The following MADD variants were observed in gnomAD, a reference collection of about 807,000 sequenced individuals.
The protein encoded by MADD is MAP kinase-activating death domain protein.
In MADD, 109 loss-of-function variants were observed where a neutral mutation model predicts 176.7. The observed-to-expected ratio is 0.62, with a 90% CI of 0.53 to 0.72. The LOEUF (loss-of-function observed/expected upper bound fraction) is 0.72. Ranked by LOEUF, MADD falls within the 30% of genes least tolerant of loss-of-function variation. The pLI is 0.00. For missense variants in MADD, 1,914 were observed against 2,045.5 expected (o/e 0.94, Z 1.24); for synonymous variants, 771 against 771.3 (o/e 1.00, Z 0.01).
chr11:47,288,199 A>C (rs537782549), intron 15 of MADD, among the ~76,000 whole-genome samples: 14 of 152,158 alleles, frequency 9.2e-5, no homozygotes, highest in Non-Finnish European at 2.1e-4. Context: ...CAGAGGCAGG[A>C]GGTTCATTTG....
chr11:47,295,130 C>T lies in MADD; in HGVS notation c.3403-366C>T, dbSNP rs111621734. On this transcript the variant is annotated intron_variant, in intron 20 of 32. Coordinates refer to ENST00000402192, the Ensembl canonical transcript of MADD. ...GGCTCAAGTGATGCTCCCACCTCAG[C>T]GTCCTGAGCATCTGGGACCGCAGGC... 6.3e-3 allele frequency among the ~76,000 whole-genome samples: 954 copies of T among 151,988 alleles called. 13 individuals carry two copies. The highest frequency in any genetic ancestry group is 0.021 in the African/African-American group (878 of 41,428).
intron 27 of MADD, among the ~76,000 whole-genome samples, chr11:47,316,778 C>T (rs1419464886): frequency 6.6e-6 from 1 of 151,910 alleles, no homozygotes; most frequent in African/African-American, 2.4e-5. Flanking sequence ...GAGTGTTGCT[C>T]TTTTGCTCAG....
intron 22 of MADD, among the ~76,000 whole-genome samples, chr11:47,303,025 C>G (rs184025186): frequency 6.6e-6 from 1 of 151,866 alleles, no homozygotes; most frequent in Non-Finnish European, 1.5e-5. Context: ...GTGATGACTT[C>G]CTCATTTTTT....
At chr11:47,274,675 G>C in exon 3 of MADD, 1 of 1,614,168 alleles carries the variant, frequency 6.2e-7, no homozygotes, top group Non-Finnish European at 8.5e-7. Context: ...CTGCCAGCCC[G>C]AGGGCTGCCT....
At chr11:47,319,723 A>G (rs1439831776) in intron 27 of MADD, among the ~76,000 whole-genome samples, 1 of 152,212 alleles carries the variant, frequency 6.6e-6, no homozygotes, top group Non-Finnish European at 1.5e-5. Context: ...ATGGTGGCTC[A>G]CATGAGCCTG....
chr11:47,326,888 G>A (rs2095506763), intron 31 of MADD, 81 bp downstream of exon 35: 2 of 1,582,538 alleles, frequency 1.3e-6, no homozygotes, highest in African/African-American at 1.4e-5. Flanking sequence ...GGGTCTAGGG[G>A]CAGGGAGAAG....
chr11:47,289,816 G>C (rs10838686), intron 16 of MADD, 51 bp from the exon 18 acceptor site: 2 of 1,591,392 alleles, frequency 1.3e-6, no homozygotes, highest in African/African-American at 2.7e-5. Flanking sequence ...AAGGTGGGGG[G>C]TGCTCTGCAA....
At chr11:47,275,270 T>A in intron 3 of MADD, 111 bp downstream of exon 3, 1 of 897,404 alleles carries the variant, frequency 1.1e-6, no homozygotes, top group Non-Finnish European at 1.7e-6. Context: ...TCAGACCTAT[T>A]AAGCATATTT....
intron 26 of MADD, among the ~76,000 whole-genome samples, chr11:47,313,959 C>T (rs545019230): frequency 1.3e-5 from 2 of 151,986 alleles, no homozygotes; most frequent in East Asian, 3.9e-4. Flanking sequence ...GGGGTTTCAC[C>T]ACGCTGGTCA....
exon 3 of MADD, chr11:47,274,637 T>A (rs1361455463): frequency 2.5e-6 from 4 of 1,614,192 alleles, no homozygotes; most frequent in Non-Finnish European, 3.4e-6. Context: ...CACACTGAGT[T>A]TCCCCTGCCC....
chr11:47,295,049 C>T (rs1593179338), intron 20 of MADD, among the ~76,000 whole-genome samples: 1 of 146,816 alleles, frequency 6.8e-6, no homozygotes, highest in East Asian at 2.0e-4. Flanking sequence ...CTCATTCTGT[C>T]GCTGCAGCTG....
intron 22 of MADD, among the ~76,000 whole-genome samples, chr11:47,305,096 C>T (rs2081539187): frequency 6.6e-6 from 1 of 152,038 alleles, no homozygotes; most frequent in Admixed American, 6.6e-5. Context: ...TTGTTAATAT[C>T]CTTGGTGTCA....
At chr11:47,284,875 A>G (rs988782389) in intron 12 of MADD, 66 bp from the exon 13 acceptor site, 2 of 1,592,772 alleles carry the variant, frequency 1.3e-6, no homozygotes, top group Non-Finnish European at 1.7e-6. Context: ...AGCCCTGCCA[A>G]ACTGGGATTA....
chr11:47,298,572 C>T (rs147295027), intron 22 of MADD, among the ~76,000 whole-genome samples: 1 of 152,272 alleles, frequency 6.6e-6, no homozygotes, highest in African/African-American at 2.4e-5. Context: ...CTTGTATATT[C>T]TGGCTATTAA....
At position 47,326,909 on chromosome 11, in the gene MADD, G is replaced by T. The variant is rs1022028859; in HGVS notation, c.4612+102G>T. 7.2e-5 allele frequency: 111 copies of T among 1,544,558 alleles called. No individual in the cohort carries two copies. In the Middle Eastern group the frequency reaches 1.9e-3, roughly 27 times the overall value. On this transcript the variant is annotated intron_variant, in intron 31 of 32. Transcript: ENST00000402192. ...AGGGGCAGGGAGAAGAAGAACCTCT[G>T]TAGAGAAGTCAGGAGGAGCAGGAGT... is the stretch of plus-strand genomic sequence containing the variant.
chr11:47,316,090 C>T (rs1467006385), intron 27 of MADD, among the ~76,000 whole-genome samples: 1 of 152,158 alleles, frequency 6.6e-6, no homozygotes, highest in Non-Finnish European at 1.5e-5. Flanking sequence ...CCTGCCTCGA[C>T]CTCCCAAAGT....
In MADD at chr11:47,282,859, T is replaced by C. The variant is rs150785793; in HGVS notation, c.1752T>C (p.Ala584=). The C allele has an allele frequency of 3.3e-5, 53 of 1,614,052 alleles. No homozygotes were observed. The African/African-American group carries it at 6.3e-4, about 19-fold the overall frequency. The change falls in exon 10 of 33, where the codon GCT becomes GCC. Residue 584 remains alanine (A), a synonymous_variant. Coordinates refer to ENST00000402192, the Ensembl canonical transcript of MADD. ...TTGGTGACAAGCCAAAGTGGTATGC[T>C]CATCAGCTGCAGCCTATCCACTATC...
At chr11:47,286,466 G>T (rs375646383) in exon 15 of MADD, 1 of 1,614,144 alleles carries the variant, frequency 6.2e-7, no homozygotes, top group African/African-American at 1.3e-5. Flanking sequence ...ACCAGCTTCA[G>T]TCTTTCAAAC....
intron 16 of MADD, 23 bp downstream of exon 17, chr11:47,289,516 T>A: frequency 6.2e-7 from 1 of 1,600,974 alleles, no homozygotes; most frequent in Non-Finnish European, 8.6e-7. Context: ...AGAGCTGTTT[T>A]AAAAGTTCTC....
Sources: gnomAD v4.1 joint callset for allele counts (sites outside exome capture counted in the v4.1 genomes callset) on GRCh38, gnomAD v4.1.1 for gene constraint, MANE v1.5 for transcripts, NCBI Gene and HGNC (gene_info 2026-07-23, HGNC 2026-07-21) for gene names.